The following MLANA variants were observed in gnomAD, a reference collection of about 807,000 sequenced individuals.
MLANA encodes the protein melanoma antigen recognized by T-cells 1.
MLANA carries 21 observed loss-of-function variants against 15.7 expected under a neutral mutation model. The ratio of observed to expected loss-of-function variants is 1.33; its 90% CI spans 0.95 to 1.92. The LOEUF is 1.92. Ranked by LOEUF, MLANA falls within the 40% of genes most tolerant of loss-of-function variation. The probability of loss-of-function intolerance (pLI) is 0.00; values close to 1 mark genes in which losing one functional copy is unlikely to be tolerated. For missense variants in MLANA, 164 were observed against 143.8 expected (o/e 1.14, Z -0.72); for synonymous variants, 56 against 51.5 (o/e 1.09, Z -0.37).
intron 3 of MLANA, among the ~76,000 whole-genome samples, chr9:5,900,294 G>C (rs183613674): frequency 6.6e-6 from 1 of 152,166 alleles, no homozygotes; most frequent in African/African-American, 2.4e-5. Flanking sequence ...GATTAGATCA[G>C]TGGTTTGTAG....
chr9:5,904,954 T>C (rs116593877), intron 3 of MLANA, among the ~76,000 whole-genome samples: 2,468 of 152,080 alleles, frequency 0.016, 81 homozygotes, highest in African/African-American at 0.056. Flanking sequence ...TTTGTATTTA[T>C]AGTAGAGATG....
In MLANA at chr9:5,909,378, C is replaced by G. The variant is rs939754392; in HGVS notation, c.*670C>G. 7.2e-5 allele frequency: 11 copies of G among 152,404 alleles called. No homozygotes were observed. The highest frequency in any genetic ancestry group is 2.7e-4 in the African/African-American group (11 of 41,432). The allele number at this position is 152,404 out of a possible 1,614,324, so 9.4% of individuals were successfully genotyped here. A position where few individuals can be genotyped will look rare whatever the true frequency, so the allele number is the denominator to read the frequency against. ...GGTTCAAGCAATTCTCCTGCCTTAG[C>G]CTCCTGAGTAGCTGGGATTACAGGC... On this transcript the variant is annotated 3_prime_UTR_variant, in exon 5 of 5. Transcript: ENST00000381477.
chr9:5,908,671 T>C lies in MLANA; in HGVS notation c.320T>C (p.Leu107Pro). The stretch of plus-strand genomic sequence containing the variant: ...AATGCTCCACCTGCTTATGAGAAAC[T>C]CTCTGCAGAACAGTCACCACCACCT... ...VPNAPPAYEK[L>P]SAEQSPPPYS... The change falls in exon 5 of 5, where the codon CTC (leucine) becomes CCC (proline). Residue 107 changes from leucine to proline, a missense_variant. Leu to Pro is a moderately conservative substitution (Grantham distance 98). Coordinates refer to ENST00000381477, the MANE Select transcript of MLANA (RefSeq NM_005511.2). 1 of 1,614,118 alleles carries C rather than the reference T, an allele frequency of 6.2e-7. No individual in the cohort carries two copies. The highest frequency in any genetic ancestry group is 8.5e-7 in the Non-Finnish European group (1 of 1,179,998).
Position 5,894,922 on chromosome 9 carries a change from T to C in MLANA, c.77+2371T>C, listed in dbSNP as rs1831909661. ...AGGGCAAAGGGGGTTATGACCACTA[T>C]CATGTGAAGGAACCCCTTGACTGAA... is the stretch of plus-strand genomic sequence containing the variant. On this transcript the variant is annotated intron_variant, in intron 2 of 4. Transcript: ENST00000381477. The surrounding 1 kb of genome is among the most constrained non-coding windows in gnomAD (Gnocchi z 4.0). Among the ~76,000 whole-genome samples, 1 of 152,166 alleles carries C rather than the reference T, an allele frequency of 6.6e-6. No homozygotes were observed. Among genetic ancestry groups the C allele is most frequent in the African/African-American group, 2.4e-5 (1 of 41,438 alleles).
intron 1 of MLANA, among the ~76,000 whole-genome samples, 183 bp from the exon 2 acceptor site, chr9:5,892,267 G>C (rs973451736): frequency 1.3e-5 from 2 of 152,140 alleles, no homozygotes; most frequent in African/African-American, 4.8e-5. Context: ...AGAAACCTGA[G>C]CTATTGCTAA....
At chr9:5,892,349 G>C (rs1014653746) in intron 1 of MLANA, 101 bp from the exon 2 acceptor site, 2 of 707,068 alleles carry the variant, frequency 2.8e-6, no homozygotes, top group Non-Finnish European at 4.5e-6. Context: ...CCTGGCTATG[G>C]ATATTGGTCA....
chr9:5,904,907 G>A (rs935768582), intron 3 of MLANA, among the ~76,000 whole-genome samples: 8 of 151,808 alleles, frequency 5.3e-5, no homozygotes, highest in African/African-American at 1.9e-4. Flanking sequence ...CCAAGTAGCT[G>A]GGACTACAGG....
intron 3 of MLANA, among the ~76,000 whole-genome samples, chr9:5,901,747 C>G (rs560304187): frequency 6.6e-6 from 1 of 152,042 alleles, no homozygotes; most frequent in Non-Finnish European, 1.5e-5. Context: ...GTCTCAAACT[C>G]CTGAGCACAA....
chr9:5,896,585 C>T (rs1832036841), intron 2 of MLANA, among the ~76,000 whole-genome samples: 1 of 152,198 alleles, frequency 6.6e-6, no homozygotes, highest in Non-Finnish European at 1.5e-5. Context: ...TCTTGTAAGT[C>T]ACTCAGCTCT....
At chr9:5,906,649 A>C (rs1832835410) in intron 3 of MLANA, among the ~76,000 whole-genome samples, 1 of 152,272 alleles carries the variant, frequency 6.6e-6, no homozygotes, top group African/African-American at 2.4e-5. Context: ...CAGGTACTGC[A>C]CTAGAGCTTT....
rs879003240 is a variant in MLANA, at chr9:5,909,767, C to T, written c.*1059C>T. 1 of 152,170 alleles carries T rather than the reference C, an allele frequency of 6.6e-6. No homozygotes were observed. The highest frequency in any genetic ancestry group is 2.1e-4 in the South Asian group (1 of 4,830). 9.4% of individuals were successfully genotyped at this position (152,170 alleles called of 1,614,324 possible). ...TATGGCAATTTAGCTCTCTTGGGTT[C>T]CCAAATCCCTCTCACAAGAATGTGC... On this transcript the variant is annotated 3_prime_UTR_variant, in exon 5 of 5. Coordinates refer to ENST00000381477, the MANE Select transcript of MLANA (RefSeq NM_005511.2).
chr9:5,894,304 G>C lies in MLANA; in HGVS notation c.77+1753G>C, dbSNP rs1831862743. On this transcript the variant is annotated intron_variant, in intron 2 of 4. Transcript: ENST00000381477. This position sits in a 1 kb window ranked among gnomAD's most constrained non-coding sequence, Gnocchi z 4.0. ...GGTCTAGTCAGGAAGAAACCAACTA[G>C]ATGGTTCAACATAGAGACTTTAATA... Among the ~76,000 whole-genome samples the C allele has an allele frequency of 6.6e-6, 1 of 152,158 alleles. No homozygotes were observed. The highest frequency in any genetic ancestry group is 1.5e-5 in the Non-Finnish European group (1 of 68,040).
chr9:5,896,484 G>C (rs1434696004), intron 2 of MLANA, among the ~76,000 whole-genome samples: 1 of 152,172 alleles, frequency 6.6e-6, no homozygotes, highest in Non-Finnish European at 1.5e-5. Context: ...CCTCAGCCTT[G>C]AGACAGAAGT....
intron 3 of MLANA, among the ~76,000 whole-genome samples, chr9:5,902,220 G>GCGTGGATTTTGACAGA (rs200905401): frequency 0.011 from 1,703 of 152,154 alleles, 28 homozygotes; most frequent in African/African-American, 0.039. Context: ...AGTTCTTCTT[G>GCGTGGATTTTGACAGA]CGTGGATTTT....
At chr9:5,900,810 T>C (rs1832365164) in intron 3 of MLANA, among the ~76,000 whole-genome samples, 2 of 152,246 alleles carry the variant, frequency 1.3e-5, no homozygotes, top group African/African-American at 2.4e-5. Flanking sequence ...ACAGTGGTTT[T>C]TATATTAACC....
rs562905368 is a variant in MLANA at position 5,905,866 on chromosome 9, G to A, written c.175-1019G>A. ...CAGGACCTCTTGAGACTATTCTCCC[G>A]GCCATGGTCATTCATATCGGCACAG... is the stretch of plus-strand genomic sequence containing the variant. On this transcript the variant is annotated intron_variant, in intron 3 of 4. Coordinates refer to ENST00000381477, the MANE Select transcript of MLANA (RefSeq NM_005511.2). Among the ~76,000 whole-genome samples the A allele has an allele frequency of 4.6e-5, 7 of 152,140 alleles. No individual in the cohort carries two copies. In the South Asian group the frequency reaches 6.2e-4, roughly 14 times the overall value.
At chr9:5,898,503 TACAC>T (rs1241187849) in intron 3 of MLANA, among the ~76,000 whole-genome samples, 1 of 152,196 alleles carries the variant, frequency 6.6e-6, no homozygotes, top group Non-Finnish European at 1.5e-5. Flanking sequence ...AAGTTTCCAA[TACAC>T]GAATTTTGGG....
intron 4 of MLANA, among the ~76,000 whole-genome samples, chr9:5,907,546 A>G (rs1170833165): frequency 6.6e-6 from 1 of 152,206 alleles, no homozygotes; most frequent in Non-Finnish European, 1.5e-5. Flanking sequence ...TTCATTAATG[A>G]TTTTTATATT....
intron 3 of MLANA, among the ~76,000 whole-genome samples, chr9:5,900,294 G>A (rs183613674): frequency 5.9e-5 from 9 of 152,284 alleles, no homozygotes; most frequent in Admixed American, 3.9e-4. Flanking sequence ...GATTAGATCA[G>A]TGGTTTGTAG....
Sources: allele counts gnomAD v4.1 joint callset (sites outside exome capture counted in the v4.1 genomes callset), GRCh38; gene constraint gnomAD v4.1.1; non-coding constraint Gnocchi (gnomAD v3.1); transcripts MANE v1.5; gene names NCBI Gene and HGNC (gene_info 2026-07-23, HGNC 2026-07-21).